ZDHHC21: variants seen among roughly 807,000 people sequenced by gnomAD.
ZDHHC21 encodes zDHHC palmitoyltransferase 21.
Under a neutral mutation model 34.6 loss-of-function variants are expected in ZDHHC21, and 15 were observed. The ratio of observed to expected loss-of-function variants is 0.43; its 90% CI spans 0.29 to 0.67. ZDHHC21 has a LOEUF of 0.67. Ranked by LOEUF, ZDHHC21 falls within the 30% of genes least tolerant of loss-of-function variation. The pLI, the probability that ZDHHC21 is intolerant of heterozygous loss-of-function variation, is 0.14. For missense variants in ZDHHC21, 344 were observed against 327.7 expected, an observed-to-expected ratio of 1.05 and a Z score of -0.38; for synonymous variants, 142 against 101.8, an observed-to-expected ratio of 1.40 and a Z score of -2.38.
At chr9:14,662,027 G>T (rs1665496594) in intron 6 of ZDHHC21, among the ~76,000 whole-genome samples, 188 bp downstream of exon 6, 1 of 152,120 alleles carries the variant, frequency 6.6e-6, no homozygotes. Flanking sequence ...TGTTAGAAAA[G>T]ATAGGATTTC....
chr9:14,591,220 G>A, the ZDHHC21 span, among the ~76,000 whole-genome samples: 1 of 152,134 alleles, frequency 6.6e-6, no homozygotes, highest in Non-Finnish European at 1.5e-5. Context: ...GAATGTTTCT[G>A]TCCCTTCCAA....
intron 7 of ZDHHC21, among the ~76,000 whole-genome samples, chr9:14,647,831 A>C (rs550006690): frequency 1.3e-5 from 2 of 152,124 alleles, no homozygotes; most frequent in African/African-American, 2.4e-5. Flanking sequence ...TTCTATTTCG[A>C]ATTACTTCTA....
chr9:14,602,480 T>C, the ZDHHC21 span, among the ~76,000 whole-genome samples: 643 of 148,226 alleles, frequency 4.3e-3, 5 homozygotes, highest in Admixed American at 8.3e-3. Context: ...ATAGACAAAG[T>C]GCAGTGATTC....
chr9:14,611,453 G>T lies in ZDHHC21; in HGVS notation c.*7513C>A, dbSNP rs1157477279. On this transcript the variant is annotated 3_prime_UTR_variant, in exon 10 of 10. Coordinates refer to ENST00000380916, the MANE Select transcript of ZDHHC21 (RefSeq NM_178566.6). ...TGAAGATTTTCTTCAAATTCTCTTA[G>T]GGGAAAGACAAGGTAAAAATAATAG... is the stretch of plus-strand genomic sequence containing the variant. 2.6e-5 allele frequency: 4 copies of T among 151,814 alleles called. No homozygotes were observed. Among genetic ancestry groups the T allele is most frequent in the East Asian group, 3.9e-4 (2 of 5,186 alleles). 9.4% of individuals were successfully genotyped at this position (151,814 alleles called of 1,614,324 possible).
intron 2 of ZDHHC21, among the ~76,000 whole-genome samples, chr9:14,681,733 GT>G (rs1837413790): frequency 4.2e-5 from 2 of 47,230 alleles, no homozygotes; most frequent in Non-Finnish European, 1.3e-4. Flanking sequence ...GGGGAATGGT[GT>G]GTGTGTGTGT....
intron 7 of ZDHHC21, among the ~76,000 whole-genome samples, chr9:14,641,888 C>T (rs1433750555): frequency 4.6e-5 from 7 of 152,098 alleles, no homozygotes; most frequent in Admixed American, 1.3e-4. Context: ...GACAAAGTTT[C>T]GGAGTGGTAA....
At position 14,691,488 on chromosome 9, in the gene ZDHHC21, G is replaced by C. The variant is rs117714509; in HGVS notation, c.-224-1103C>G. On this transcript the variant is annotated intron_variant, in intron 1 of 9. Transcript: ENST00000380916. ...CGGTCATTACGAATTAAAGAAATGA[G>C]GCAGTAGGCAAATAAGAAGTACATG... Among the ~76,000 whole-genome samples the C allele has an allele frequency of 6.9e-3, 1,051 of 152,290 alleles. 6 individuals carry two copies. Among genetic ancestry groups the C allele is most frequent in the South Asian group, 0.018 (85 of 4,818 alleles).
intron 5 of ZDHHC21, among the ~76,000 whole-genome samples, chr9:14,665,221 T>G (rs1366848209): frequency 1.5e-5 from 2 of 136,000 alleles, no homozygotes; most frequent in Non-Finnish European, 1.6e-5. Flanking sequence ...CAGGAGCCGA[T>G]GCGATCAACT....
intron 8 of ZDHHC21, among the ~76,000 whole-genome samples, chr9:14,634,481 G>T (rs575456618): frequency 3.3e-5 from 5 of 152,064 alleles, no homozygotes; most frequent in Non-Finnish European, 1.5e-5. Flanking sequence ...CCACCACTAA[G>T]GACTAAGGAC....
At position 14,680,159 on chromosome 9, in the gene ZDHHC21, G is replaced by T. The variant is rs1837119003; in HGVS notation, c.-172C>A. On this transcript the variant is annotated 5_prime_UTR_variant, in exon 3 of 10. Coordinates refer to ENST00000380916, the MANE Select transcript of ZDHHC21 (RefSeq NM_178566.6). ...TCTCTTCAATAACAGTTCTCCATGA[G>T]AACCTATTCATGGTTTAACAAACAA... 6.6e-6 allele frequency: 1 copy of T among 152,060 alleles called. No homozygotes were observed. The highest frequency in any genetic ancestry group is 1.5e-5 in the Non-Finnish European group (1 of 67,946). The allele number at this position is 152,060 out of a possible 1,614,324, so 9.4% of individuals were successfully genotyped here.
chr9:14,631,348 C>T (rs914224680), intron 8 of ZDHHC21, among the ~76,000 whole-genome samples: 8 of 152,190 alleles, frequency 5.3e-5, no homozygotes, highest in Non-Finnish European at 1.2e-4. Flanking sequence ...CCTCTTACAG[C>T]CTTCATAAAA....
rs1247492840 is a variant in ZDHHC21 at position 14,618,990 on chromosome 9, G to A, written c.774C>T (p.Pro258=). ...TTTAGACATGATTGGCAAAGTGGTA[G>A]GGAACTCGCAGTGGTTGCCTCTGCC... ...PFRQRQPLRV[P]YHFANHV Residue 258 remains proline (P), a synonymous_variant, in exon 10 of 10, where the codon CCC becomes CCT. Transcript: ENST00000380916. 18 of 1,610,194 alleles carry A rather than the reference G, an allele frequency of 1.1e-5. No homozygotes were observed. Among genetic ancestry groups the A allele is most frequent in the Non-Finnish European group, 1.4e-5 (16 of 1,178,072 alleles).
rs183455379 is a variant in ZDHHC21, at chr9:14,652,535, G to C, written c.504+6214C>G. 5.9e-5 allele frequency among the ~76,000 whole-genome samples: 9 copies of C among 151,964 alleles called. No homozygotes were observed. In the East Asian group the frequency reaches 1.7e-3, roughly 29 times the overall value. The stretch of plus-strand genomic sequence containing the variant: ...TAAAGATTAAGAAGAAATCTAAAAA[G>C]CATTAAGTTACTATAAAAAACAATG... On this transcript the variant is annotated intron_variant, in intron 7 of 9. Transcript: ENST00000380916.
In ZDHHC21 at chr9:14,618,864, G is replaced by C. The variant is rs916551900; in HGVS notation, c.*102C>G. ...CACATTATGATGCCTAAGACTGGTG[G>C]GTGGATTTTAATTGACTTGAAGACT... On this transcript the variant is annotated 3_prime_UTR_variant, in exon 10 of 10. Transcript: ENST00000380916. 5 of 1,314,148 alleles carry C rather than the reference G, an allele frequency of 3.8e-6. No homozygotes were observed. The African/African-American group carries it at 6.0e-5, about 16-fold the overall frequency. 81.4% of individuals were successfully genotyped at this position (1,314,148 alleles called of 1,614,324 possible). A position where few individuals can be genotyped will look rare whatever the true frequency, so the allele number is the denominator to read the frequency against.
intron 8 of ZDHHC21, among the ~76,000 whole-genome samples, chr9:14,627,691 T>C (rs1437913563): frequency 6.6e-6 from 1 of 152,128 alleles, no homozygotes; most frequent in Non-Finnish European, 1.5e-5. Context: ...TGGTACACAA[T>C]AGCTCACTGT....
At chr9:14,599,918 C>A in the ZDHHC21 span, among the ~76,000 whole-genome samples, 1 of 152,152 alleles carries the variant, frequency 6.6e-6, no homozygotes, top group African/African-American at 2.4e-5. Context: ...ATGATTACCT[C>A]AATAGATGCA....
rs530361770 is a variant in ZDHHC21, at chr9:14,665,211, C to A, written c.254-2885G>T. Reference sequence around the variant, plus strand: ...AACTACGTGAAGAATGCAGAAGCCTCAGGAGCCGATGCGATCAACTGGAAG... The same window carrying A: ...AACTACGTGAAGAATGCAGAAGCCTAAGGAGCCGATGCGATCAACTGGAAG... On this transcript the variant is annotated intron_variant, in intron 5 of 9. Transcript: ENST00000380916. Among the ~76,000 whole-genome samples the A allele has an allele frequency of 1.6e-3, 217 of 136,906 alleles. 1 individual carries two copies. Among genetic ancestry groups the A allele is most frequent in the African/African-American group, 5.7e-3 (203 of 35,564 alleles). 89.8% of individuals were successfully genotyped at this position (136,906 alleles called of 152,430 possible). A position where few individuals can be genotyped will look rare whatever the true frequency, so the allele number is the denominator to read the frequency against.
intron 2 of ZDHHC21, among the ~76,000 whole-genome samples, chr9:14,681,092 T>A (rs966009713): frequency 6.6e-6 from 1 of 152,202 alleles, no homozygotes; most frequent in Admixed American, 6.5e-5. Context: ...TTCATCCTTT[T>A]GACCACAACC....
In ZDHHC21 at chr9:14,662,216, A is replaced by G. The variant is rs1334031979; in HGVS notation, c.364T>C (p.Trp122Arg). 2 of 1,597,328 alleles carry G rather than the reference A, an allele frequency of 1.3e-6. No individual in the cohort carries two copies. The highest frequency in any genetic ancestry group is 4.5e-5 in the East Asian group (2 of 44,634). ...CVRRMDHHCPWINNCVGEDNH... is the reference protein window; with the variant it reads ...CVRRMDHHCPRINNCVGEDNH... The stretch of plus-strand genomic sequence containing the variant: ...TTGCTAGAAGTGAATTATTCTTACC[A>G]TGGACAGTGATGATCCATTCTCCTC... Residue 122 changes from tryptophan to arginine, a missense_variant and splice_region_variant, in exon 6 of 10, where the codon TGG becomes CGG. Transcript: ENST00000380916.
Sources: allele counts gnomAD v4.1 joint callset (sites outside exome capture counted in the v4.1 genomes callset), GRCh38; gene constraint gnomAD v4.1.1; transcripts MANE v1.5; gene names NCBI Gene and HGNC (gene_info 2026-07-23, HGNC 2026-07-21).